Variants in SOS1 observed in about 807,000 individuals in gnomAD.
SOS1 encodes the protein SOS Ras/Rac guanine nucleotide exchange factor 1.
A neutral mutation model predicts 157.6 loss-of-function variants in SOS1; 25 were observed. The observed-to-expected ratio is 0.16, with a 90% CI of 0.12 to 0.22. SOS1 has a LOEUF of 0.22. Ranked by LOEUF, SOS1 falls within the 10% of genes least tolerant of loss-of-function variation. The pLI is 1.00. For missense variants in SOS1, 1,237 were observed against 1,599.1 expected (o/e 0.77, Z 3.86); for synonymous variants, 528 against 534.0 (o/e 0.99, Z 0.16).
chr2:38,995,033 A>G, intron 20 of SOS1, 90 bp downstream of exon 20: 1 of 1,068,354 alleles, frequency 9.4e-7, no homozygotes, highest in Non-Finnish European at 1.4e-6. Context: ...ACAAGTTCAC[A>G]CATACAAAAA....
intron 8 of SOS1, among the ~76,000 whole-genome samples, chr2:39,030,782 G>A (rs546213328): frequency 6.6e-6 from 1 of 152,218 alleles, no homozygotes; most frequent in South Asian, 2.1e-4. Flanking sequence ...TAGGATCTTG[G>A]CAGATGTAAT....
intron 2 of SOS1, among the ~76,000 whole-genome samples, chr2:39,066,464 A>C (rs545660420): frequency 1.3e-5 from 2 of 152,274 alleles, no homozygotes; most frequent in Non-Finnish European, 1.5e-5. Context: ...CATTTTCTAC[A>C]ATTGGTACTT....
intron 10 of SOS1, 152 bp downstream of exon 10, chr2:39,022,418 C>A: frequency 4.6e-6 from 3 of 653,436 alleles, no homozygotes; most frequent in Non-Finnish European, 8.1e-6. Flanking sequence ...TAAAACATTC[C>A]AAAGAAATAT....
At chr2:39,091,178 G>A (rs1672581928) in intron 1 of SOS1, among the ~76,000 whole-genome samples, 1 of 152,114 alleles carries the variant, frequency 6.6e-6, no homozygotes, top group South Asian at 2.1e-4. Flanking sequence ...CAAGCATTTG[G>A]TATTTTTATC....
rs1670310002 is a variant in SOS1 at position 39,035,411 on chromosome 2, A to G, written c.954T>C (p.Pro318=). The stretch of plus-strand genomic sequence containing the variant: ...ATACCTGCAAATAAAGTGCTGCCCC[A>G]GGCTTTGATAACTGACTAAGGAAAC... ...HDRFLSQLSK[P]GAALYLQSIG... Residue 318 remains proline, a synonymous_variant, in exon 7 of 23, where the codon CCT becomes CCC. Transcript: ENST00000402219. 1 of 1,613,374 alleles carries G rather than the reference A, an allele frequency of 6.2e-7. No individual in the cohort carries two copies. Among genetic ancestry groups the G allele is most frequent in the South Asian group, 1.1e-5 (1 of 91,076 alleles).
At chr2:39,094,371 G>A (rs1401606263) in intron 1 of SOS1, among the ~76,000 whole-genome samples, 1 of 152,104 alleles carries the variant, frequency 6.6e-6, no homozygotes, top group African/African-American at 2.4e-5. Context: ...AAGGGGGCCG[G>A]GTGCAGTAGC....
Position 39,044,847 on chromosome 2 carries a change from CACAT to C in SOS1, c.864+6293_864+6296del, listed in dbSNP as rs1558485558. Among the ~76,000 whole-genome samples, 22 of 93,644 alleles carry C rather than the reference CACAT, an allele frequency of 2.3e-4. No homozygotes were observed. In the East Asian group the frequency reaches 4.1e-3, roughly 18 times the overall value. The allele number at this position is 93,644 out of a possible 152,430, so 61.4% of individuals were successfully genotyped here. On this transcript the variant is annotated intron_variant, in intron 6 of 22. Coordinates refer to ENST00000402219, the MANE Select transcript of SOS1 (RefSeq NM_005633.4). The stretch of plus-strand genomic sequence containing the variant: ...ATACTGAGGGATGACTGTGTACACA[CACAT>C]GCGCGCGCGCGCGCACACACACACA...
chr2:38,985,742 C>A lies in SOS1; in HGVS notation c.*82G>T. The A allele has an allele frequency of 3.4e-4, 470 of 1,365,188 alleles. No individual in the cohort carries two copies. The highest frequency in any genetic ancestry group is 4.8e-4 in the East Asian group (19 of 39,546). 84.6% of individuals were successfully genotyped at this position (1,365,188 alleles called of 1,614,324 possible). ...AGTGTTTGGAGTTCTCATTTTAACT[C>A]CTCAGTGCTGGCACATTCAGTGCAT... On this transcript the variant is annotated 3_prime_UTR_variant, in exon 23 of 23. Coordinates refer to ENST00000402219, the MANE Select transcript of SOS1 (RefSeq NM_005633.4).
At chr2:39,082,891 A>G (rs1243022388) in intron 1 of SOS1, among the ~76,000 whole-genome samples, 1 of 152,112 alleles carries the variant, frequency 6.6e-6, no homozygotes, top group Non-Finnish European at 1.5e-5. Flanking sequence ...AACAACAAAG[A>G]TATGGTTGGG....
At chr2:39,085,064 T>G (rs975544846) in intron 1 of SOS1, among the ~76,000 whole-genome samples, 3 of 152,154 alleles carry the variant, frequency 2.0e-5, no homozygotes, top group Middle Eastern at 3.2e-3. Flanking sequence ...TTTATTTTTT[T>G]GAGACAGGGT....
intron 4 of SOS1, among the ~76,000 whole-genome samples, chr2:39,055,072 G>A (rs1022619483): frequency 3.3e-5 from 5 of 152,092 alleles, no homozygotes; most frequent in Non-Finnish European, 7.4e-5. Context: ...TGTCTCTCTT[G>A]TTAACCTATT....
intron 1 of SOS1, among the ~76,000 whole-genome samples, chr2:39,110,039 C>CGTGTGTGTGTGTGT (rs779110307): frequency 1.0e-4 from 14 of 135,484 alleles, no homozygotes; most frequent in East Asian, 6.5e-4. Flanking sequence ...TGTGTGTGTG[C>CGTGTGTGTGTGTGT]GTGTGTGTGT....
At chr2:39,005,591 G>C (rs1351413410) in intron 17 of SOS1, among the ~76,000 whole-genome samples, 1 of 151,982 alleles carries the variant, frequency 6.6e-6, no homozygotes, top group Non-Finnish European at 1.5e-5. Flanking sequence ...AAAAAGATTA[G>C]AAGTAAATAC....
intron 22 of SOS1, among the ~76,000 whole-genome samples, chr2:38,986,759 C>T (rs906689014): frequency 1.1e-4 from 17 of 151,948 alleles, no homozygotes; most frequent in African/African-American, 3.4e-4. Context: ...AATTTTTTTC[C>T]TCAAAATTTT....
chr2:39,066,542 G>A (rs1299999382), intron 2 of SOS1, among the ~76,000 whole-genome samples: 4 of 152,128 alleles, frequency 2.6e-5, no homozygotes, highest in South Asian at 2.1e-4. Flanking sequence ...TCTTTTTCTT[G>A]GAAGCTATCC....
chr2:39,028,540 G>A (rs1382347835), intron 8 of SOS1, among the ~76,000 whole-genome samples: 3 of 151,976 alleles, frequency 2.0e-5, no homozygotes, highest in Admixed American at 2.0e-4. Context: ...TACAACGAAG[G>A]AACTACCATT....
chr2:39,104,916 T>G (rs962124917), intron 1 of SOS1, among the ~76,000 whole-genome samples: 3 of 152,340 alleles, frequency 2.0e-5, no homozygotes, highest in East Asian at 1.9e-4. Context: ...TGGGAAAGAA[T>G]AGATGGTAGT....
At chr2:39,109,162 G>A (rs1057362048) in intron 1 of SOS1, among the ~76,000 whole-genome samples, 1 of 152,148 alleles carries the variant, frequency 6.6e-6, no homozygotes, top group African/African-American at 2.4e-5. Flanking sequence ...TCGCACTACT[G>A]CACTCCAGCC....
chr2:39,043,051 T>C (rs1247723556), intron 6 of SOS1, among the ~76,000 whole-genome samples: 1 of 152,184 alleles, frequency 6.6e-6, no homozygotes, highest in East Asian at 1.9e-4. Flanking sequence ...TGAATAGAAG[T>C]GGTGATAGTG....
Sources: allele counts gnomAD v4.1 joint callset (sites outside exome capture counted in the v4.1 genomes callset), GRCh38; gene constraint gnomAD v4.1.1; transcripts MANE v1.5; gene names NCBI Gene and HGNC (gene_info 2026-07-23, HGNC 2026-07-21).